CDH8: variants seen among roughly 807,000 people sequenced by gnomAD.
CDH8 encodes cadherin-8.
CDH8 carries 17 observed loss-of-function variants against 68.1 expected under a neutral mutation model. The observed-to-expected ratio is 0.25, with a 90% CI of 0.17 to 0.37. The LOEUF (loss-of-function observed/expected upper bound fraction) is 0.37. Among genes scored for constraint, CDH8 ranks in the 10% least tolerant of loss-of-function variants. The pLI, the probability that CDH8 is intolerant of heterozygous loss-of-function variation, is 1.00. For synonymous variants in CDH8, 372 were observed against 365.1 expected (o/e 1.02, Z -0.21); for missense variants, 763 against 999.3 (o/e 0.76, Z 3.19).
At chr16:61,688,774 T>G (rs1234123090) in intron 10 of CDH8, among the ~76,000 whole-genome samples, 1 of 152,038 alleles carries the variant, frequency 6.6e-6, no homozygotes, top group Non-Finnish European at 1.5e-5. Flanking sequence ...ATTTCCCTCT[T>G]TCTGCCTTTA....
At chr16:61,791,248 G>T (rs1172623337) in intron 7 of CDH8, among the ~76,000 whole-genome samples, 1 of 151,904 alleles carries the variant, frequency 6.6e-6, no homozygotes, top group Admixed American at 6.6e-5. Context: ...TTTAAGAACT[G>T]AGAGACAGGT....
chr16:61,757,909 TG>T (rs1243075023), intron 8 of CDH8, among the ~76,000 whole-genome samples: 1 of 152,186 alleles, frequency 6.6e-6, no homozygotes, highest in Non-Finnish European at 1.5e-5. Context: ...CGCTAAGTTC[TG>T]GGATTTGTTG....
intron 8 of CDH8, among the ~76,000 whole-genome samples, chr16:61,779,637 T>A (rs1012478158): frequency 3.3e-5 from 5 of 152,154 alleles, no homozygotes; most frequent in Non-Finnish European, 7.4e-5. Flanking sequence ...AAAACAGCCT[T>A]CTAAAATGTA....
chr16:61,891,493 A>G (rs1185937430), intron 3 of CDH8, among the ~76,000 whole-genome samples: 3 of 152,208 alleles, frequency 2.0e-5, no homozygotes, highest in African/African-American at 7.2e-5. Flanking sequence ...TTTCTAAACC[A>G]TAGACCATTT....
At chr16:62,024,751 T>G (rs1046189945) in intron 1 of CDH8, among the ~76,000 whole-genome samples, 4 of 152,242 alleles carry the variant, frequency 2.6e-5, no homozygotes, top group Non-Finnish European at 5.9e-5. Flanking sequence ...CTTGCTTTGT[T>G]GTGTTCAAAA....
rs1487674452 is a variant in CDH8 at position 61,799,439 on chromosome 16, T to C, written c.1278-9957A>G. ...TGACCTTTCTGCTAAGCCCTATATA[T>C]TAATTTTTCATTTAATCTTTCCTAT... is the stretch of plus-strand genomic sequence containing the variant. On this transcript the variant is annotated intron_variant, in intron 7 of 11. Coordinates refer to ENST00000577390, the MANE Select transcript of CDH8 (RefSeq NM_001796.5). Among the ~76,000 whole-genome samples, 4 of 152,206 alleles carry C rather than the reference T, an allele frequency of 2.6e-5. No homozygotes were observed. In the East Asian group the frequency reaches 7.7e-4, roughly 29 times the overall value.
At chr16:61,742,965 T>G (rs78395783) in intron 8 of CDH8, among the ~76,000 whole-genome samples, 1 of 152,200 alleles carries the variant, frequency 6.6e-6, no homozygotes, top group Non-Finnish European at 1.5e-5. Flanking sequence ...TTTTCTATTT[T>G]TTCTTATTTA....
At chr16:62,019,218 G>C (rs1902014701) in intron 2 of CDH8, among the ~76,000 whole-genome samples, 1 of 152,194 alleles carries the variant, frequency 6.6e-6, no homozygotes, top group African/African-American at 2.4e-5. Flanking sequence ...GGCATGTAAA[G>C]ACCTTACATT....
intron 4 of CDH8, among the ~76,000 whole-genome samples, chr16:61,851,860 C>A (rs773558952): frequency 1.1e-4 from 16 of 151,882 alleles, no homozygotes; most frequent in Non-Finnish European, 1.8e-4. Context: ...CTTTTCAAAC[C>A]AATGTCATTC....
intron 7 of CDH8, 139 bp from the exon 8 acceptor site, chr16:61,789,621 A>G (rs1961331119): frequency 1.3e-6 from 1 of 782,890 alleles, no homozygotes; most frequent in African/African-American, 1.8e-5. Context: ...ATAATTTATA[A>G]AACAAAAATG....
intron 2 of CDH8, among the ~76,000 whole-genome samples, chr16:61,929,456 C>T (rs907671650): frequency 1.3e-5 from 2 of 152,092 alleles, no homozygotes; most frequent in African/African-American, 2.4e-5. Flanking sequence ...GTTGGCTGTT[C>T]GCCTACATGG....
At chr16:61,878,255 G>T (rs1963500037) in intron 3 of CDH8, among the ~76,000 whole-genome samples, 1 of 152,192 alleles carries the variant, frequency 6.6e-6, no homozygotes, top group South Asian at 2.1e-4. Flanking sequence ...TTCTTTGCCT[G>T]CCTTAAGGTA....
intron 7 of CDH8, among the ~76,000 whole-genome samples, chr16:61,807,746 C>G (rs1219982008): frequency 6.6e-6 from 1 of 152,148 alleles, no homozygotes; most frequent in African/African-American, 2.4e-5. Context: ...TATAAAGGCC[C>G]TACCACTTTG....
intron 10 of CDH8, among the ~76,000 whole-genome samples, chr16:61,671,020 C>G (rs1260318946): frequency 6.6e-6 from 1 of 152,008 alleles, no homozygotes; most frequent in Non-Finnish European, 1.5e-5. Context: ...TAAGGGGGAA[C>G]TATTGCATCT....
Position 61,653,461 on chromosome 16 carries a change from G to T in CDH8, c.*147C>A. 4.9e-6 allele frequency: 7 copies of T among 1,428,786 alleles called. No homozygotes were observed. The highest frequency in any genetic ancestry group is 1.4e-5 in the African/African-American group (1 of 69,058). 88.5% of individuals were successfully genotyped at this position (1,428,786 alleles called of 1,614,324 possible). A position where few individuals can be genotyped will look rare whatever the true frequency, so the allele number is the denominator to read the frequency against. ...CTTTTTTATTTTATTATCTTTTTTTGGTTCAACATTAAAATGTGGTTGAGT... is the reference window on the plus strand; with the variant it reads ...CTTTTTTATTTTATTATCTTTTTTTTGTTCAACATTAAAATGTGGTTGAGT... On this transcript the variant is annotated 3_prime_UTR_variant, in exon 12 of 12. Coordinates refer to ENST00000577390, the MANE Select transcript of CDH8 (RefSeq NM_001796.5).
At chr16:62,024,856 C>A (rs1219358891) in intron 1 of CDH8, among the ~76,000 whole-genome samples, 2 of 152,136 alleles carry the variant, frequency 1.3e-5, no homozygotes, top group Non-Finnish European at 1.5e-5. Flanking sequence ...TTTCAAAATT[C>A]TTTTTGAACA....
At chr16:61,995,034 T>G (rs188491137) in intron 2 of CDH8, among the ~76,000 whole-genome samples, 28 of 152,240 alleles carry the variant, frequency 1.8e-4, no homozygotes, top group African/African-American at 5.3e-4. Context: ...ATGAACCAAA[T>G]TGCAAACAGG....
chr16:61,960,474 T>C (rs1200264532), intron 2 of CDH8, among the ~76,000 whole-genome samples: 1 of 151,968 alleles, frequency 6.6e-6, no homozygotes, highest in Non-Finnish European at 1.5e-5. Context: ...AGTATACATA[T>C]ATTCTGTCCT....
intron 2 of CDH8, among the ~76,000 whole-genome samples, chr16:61,959,598 GTA>G (rs149976578): frequency 3.0e-4 from 45 of 148,382 alleles, no homozygotes; most frequent in South Asian, 6.4e-4. Context: ...GTGTGTGTGT[GTA>G]TATATATATA....
Sources: allele counts gnomAD v4.1 joint callset (sites outside exome capture counted in the v4.1 genomes callset), GRCh38; gene constraint gnomAD v4.1.1; transcripts MANE v1.5; gene names NCBI Gene and HGNC (gene_info 2026-07-23, HGNC 2026-07-21).